GLYATL1B: variants seen among roughly 807,000 people sequenced by gnomAD.
GLYATL1B encodes the protein putative glycine N-acyltransferase-like protein 1B.
In GLYATL1B, 6 loss-of-function variants were observed where a neutral mutation model predicts 5.5. The ratio of observed to expected loss-of-function variants is 1.09; its 90% confidence interval spans 0.60 to 2.15. The LOEUF (loss-of-function observed/expected upper bound fraction) is 2.15, where lower values mean the gene tolerates loss of function less well. Among genes scored for constraint, GLYATL1B ranks in the 30% most tolerant of loss-of-function variants. The pLI, the probability that GLYATL1B is intolerant of heterozygous loss-of-function variation, is 0.00. For synonymous variants in GLYATL1B, 67 were observed against 34.9 expected (o/e 1.92, Z -3.24); for missense variants, 135 against 94.1 (o/e 1.43, Z -1.80).
chr11:59,093,270 C>T (rs1164599794), intron 2 of GLYATL1B, among the ~76,000 whole-genome samples: 1 of 152,148 alleles, frequency 6.6e-6, no homozygotes, highest in Non-Finnish European at 1.5e-5. Context: ...TGATTTCATC[C>T]TGTCTTTGTT....
chr11:59,093,795 T>C, intron 3 of GLYATL1B, 139 bp from the exon 4 acceptor site: 1 of 442,700 alleles, frequency 2.3e-6, no homozygotes, highest in East Asian at 3.5e-5. Context: ...GAGCAATCTG[T>C]GGTGTGCCAA....
At chr11:59,092,587 T>G (rs1467635379) in intron 2 of GLYATL1B, among the ~76,000 whole-genome samples, 1 of 152,218 alleles carries the variant, frequency 6.6e-6, no homozygotes, top group African/African-American at 2.4e-5. Flanking sequence ...CAATACAATT[T>G]TCAACATAAT....
intron 2 of GLYATL1B, among the ~76,000 whole-genome samples, chr11:59,087,811 C>G (rs1205378252): frequency 6.6e-6 from 1 of 152,094 alleles, no homozygotes; most frequent in African/African-American, 2.4e-5. Context: ...TCACACCACT[C>G]TACTCTAGCC....
At chr11:59,093,792 C>T (rs1311324315) in intron 3 of GLYATL1B, 137 bp downstream of exon 3, 2 of 439,146 alleles carry the variant, frequency 4.6e-6, no homozygotes, top group African/African-American at 4.1e-5. Flanking sequence ...GTGGAGCAAT[C>T]TGTGGTGTGC....
rs59326247 is a variant in GLYATL1B at position 59,093,509 on chromosome 11, C to G, written c.187-20C>G. ...GAAAAAGTTCAAGGGAATGATCTGA[C>G]CTTTCACCATCCTACACAGGAGATG... On this transcript the variant is annotated intron_variant, in intron 2 of 4. Transcript: ENST00000527482. The G allele has an allele frequency of 4.2e-6, 2 of 476,964 alleles. No individual in the cohort carries two copies. Among genetic ancestry groups the G allele is most frequent in the South Asian group, 6.7e-5 (1 of 14,818 alleles). 29.5% of individuals were successfully genotyped at this position (476,964 alleles called of 1,614,324 possible).
intron 2 of GLYATL1B, among the ~76,000 whole-genome samples, chr11:59,090,242 T>C (rs1206905396): frequency 2.6e-5 from 4 of 152,166 alleles, no homozygotes; most frequent in African/African-American, 9.6e-5. Flanking sequence ...CTAATCTTTT[T>C]CTTGCTTTCC....
At chr11:59,089,750 C>T (rs1196399145) in intron 2 of GLYATL1B, among the ~76,000 whole-genome samples, 1 of 152,152 alleles carries the variant, frequency 6.6e-6, no homozygotes, top group Non-Finnish European at 1.5e-5. Flanking sequence ...GTGTATGCTA[C>T]AAATTTGTTG....
intron 2 of GLYATL1B, among the ~76,000 whole-genome samples, chr11:59,089,315 A>T (rs1201759589): frequency 6.6e-6 from 1 of 152,192 alleles, no homozygotes; most frequent in Non-Finnish European, 1.5e-5. Flanking sequence ...TTCAATAAAC[A>T]TCCTTGTATA....
chr11:59,091,832 T>C (rs1000515424), intron 2 of GLYATL1B, among the ~76,000 whole-genome samples: 1 of 152,116 alleles, frequency 6.6e-6, no homozygotes, highest in African/African-American at 2.4e-5. Flanking sequence ...CAAAGGTGCA[T>C]TGGATAAAAA....
rs186603390 is a variant in GLYATL1B, at chr11:59,094,667, G to A, written c.790G>A (p.Gly264Ser). 1.4e-5 allele frequency: 6 copies of A among 432,846 alleles called. No individual in the cohort carries two copies. The highest frequency in any genetic ancestry group is 2.5e-5 in the Non-Finnish European group (6 of 239,506). 26.8% of individuals were successfully genotyped at this position (432,846 alleles called of 1,614,324 possible). ...GTGTCAGAAGAATATTCCATTTTAC[G>A]GCTCTGTGCTGGAAGAAAATCAAGG... The part of the protein sequence containing the change: ...YLCQKNIPFY[G>S]SVLEENQGVI... The change falls in exon 5 of 5, where the codon GGC becomes AGC. Residue 264 changes from glycine (G) to serine (S), a missense_variant. By Grantham distance (56) the Gly-to-Ser change is moderately conservative (BLOSUM62 0). Transcript: ENST00000527482.
At chr11:59,088,515 C>T (rs77132060) in intron 2 of GLYATL1B, among the ~76,000 whole-genome samples, 5 of 152,074 alleles carry the variant, frequency 3.3e-5, no homozygotes, top group African/African-American at 1.2e-4. Context: ...AATTTCGGAT[C>T]GATGATTAAT....
chr11:59,088,284 G>A (rs993411050), intron 2 of GLYATL1B, among the ~76,000 whole-genome samples: 2 of 152,164 alleles, frequency 1.3e-5, no homozygotes, highest in African/African-American at 4.8e-5. Context: ...GACACACAAG[G>A]AATACACGAT....
intron 1 of GLYATL1B, among the ~76,000 whole-genome samples, chr11:59,086,644 T>C (rs1408311954): frequency 6.6e-6 from 1 of 152,180 alleles, no homozygotes. Flanking sequence ...TGGGGCCAGA[T>C]TCAATAAATA....
At chr11:59,086,507 G>T in intron 1 of GLYATL1B, 123 bp downstream of exon 1, 1 of 394,574 alleles carries the variant, frequency 2.5e-6, no homozygotes, top group Non-Finnish European at 4.5e-6. Context: ...AACAGGATGG[G>T]GTTGGGGACA....
intron 2 of GLYATL1B, among the ~76,000 whole-genome samples, chr11:59,089,913 T>C (rs573348872): frequency 5.3e-5 from 8 of 152,228 alleles, no homozygotes; most frequent in Non-Finnish European, 1.2e-4. Flanking sequence ...TAAACCAAGA[T>C]CGTACAAGTT....
intron 2 of GLYATL1B, among the ~76,000 whole-genome samples, chr11:59,092,471 G>T (rs1334289551): frequency 1.3e-5 from 2 of 152,062 alleles, no homozygotes; most frequent in East Asian, 3.8e-4. Flanking sequence ...ATTCACTGAG[G>T]TGTTGTGTTT....
chr11:59,094,297 T>C (rs1429093501), intron 4 of GLYATL1B, 72 bp from the exon 5 acceptor site: 3 of 487,534 alleles, frequency 6.2e-6, no homozygotes, highest in Admixed American at 3.7e-5. Flanking sequence ...CTGGGATCTC[T>C]AGAATGGAAG....
rs954403630 is a variant in GLYATL1B at position 59,087,078 on chromosome 11, G to C, written c.93G>C (p.Leu31=). Residue 31 remains leucine, a synonymous_variant, in exon 2 of 5, where the codon CTG becomes CTC. Coordinates refer to ENST00000527482, the MANE Select transcript of GLYATL1B (RefSeq NM_001355566.1). ...IPESLKVYGS[L]FHINHGNPFN... The stretch of plus-strand genomic sequence containing the variant: ...CCCTCCTTCAGGTGTATGGCTCTCT[G>C]TTTCACATCAATCACGGGAACCCCT... The C allele has an allele frequency of 7.4e-6, 5 of 675,230 alleles. No individual in the cohort carries two copies. Among genetic ancestry groups the C allele is most frequent in the Non-Finnish European group, 1.4e-5 (5 of 368,582 alleles). 41.8% of individuals were successfully genotyped at this position (675,230 alleles called of 1,614,324 possible).
intron 2 of GLYATL1B, among the ~76,000 whole-genome samples, chr11:59,089,567 A>C (rs1859265595): frequency 6.6e-6 from 1 of 152,054 alleles, no homozygotes; most frequent in South Asian, 2.1e-4. Flanking sequence ...CTTATTGTAG[A>C]TTTAATTTGC....
Sources: gnomAD v4.1 joint callset for allele counts (sites outside exome capture counted in the v4.1 genomes callset) on GRCh38, gnomAD v4.1.1 for gene constraint, MANE v1.5 for transcripts, NCBI Gene and HGNC (gene_info 2026-07-23, HGNC 2026-07-21) for gene names.